WBP1L: variants seen among roughly 807,000 people sequenced by gnomAD.
The protein encoded by WBP1L is WW domain binding protein 1 like.
In WBP1L, 17 loss-of-function variants were observed where a neutral mutation model predicts 33.7. The observed-to-expected ratio is 0.50, with a 90% CI of 0.34 to 0.76. WBP1L has a LOEUF of 0.76. Among genes scored for constraint, WBP1L ranks in the 30% least tolerant of loss-of-function variants. The probability of loss-of-function intolerance (pLI) is 0.01; values close to 1 mark genes in which losing one functional copy is unlikely to be tolerated. For missense variants in WBP1L, 389 were observed against 469.4 expected (o/e 0.83, Z 1.58); for synonymous variants, 173 against 190.8 (o/e 0.91, Z 0.77).
intron 1 of WBP1L, chr10:102,776,512 A>G: frequency 1.9e-6 from 3 of 1,539,886 alleles, no homozygotes. Context: ...TATTTTAGCA[A>G]ATGCCTCTCA....
intron 1 of WBP1L, among the ~76,000 whole-genome samples, chr10:102,766,919 G>A (rs557882796): frequency 1.3e-5 from 2 of 152,054 alleles, no homozygotes; most frequent in East Asian, 3.8e-4. Flanking sequence ...TTCTTATTCC[G>A]ATCTTTGGTT....
At chr10:102,811,492 CAA>C (rs1428770486) in intron 3 of WBP1L, among the ~76,000 whole-genome samples, 2 of 152,168 alleles carry the variant, frequency 1.3e-5, no homozygotes, top group Non-Finnish European at 2.9e-5. Context: ...TAAACTTTCA[CAA>C]TTGTTTCTTT....
At chr10:102,786,583 G>A (rs1243882586) in intron 1 of WBP1L, among the ~76,000 whole-genome samples, 1 of 152,148 alleles carries the variant, frequency 6.6e-6, no homozygotes, top group Non-Finnish European at 1.5e-5. Flanking sequence ...TGCATTTGTT[G>A]TCTAAGCATG....
At chr10:102,781,407 G>A (rs1453785416) in intron 1 of WBP1L, among the ~76,000 whole-genome samples, 1 of 152,130 alleles carries the variant, frequency 6.6e-6, no homozygotes, top group Non-Finnish European at 1.5e-5. Context: ...TTGCTGTAAG[G>A]AAACTGAAAC....
chr10:102,803,723 CTCA>C (rs1843691083), intron 2 of WBP1L, among the ~76,000 whole-genome samples: 1 of 151,936 alleles, frequency 6.6e-6, no homozygotes, highest in Non-Finnish European at 1.5e-5. Context: ...ATTCTCCTGC[CTCA>C]GCCTCCCGAG....
chr10:102,757,690 C>T (rs1395759519), intron 1 of WBP1L, among the ~76,000 whole-genome samples: 1 of 149,754 alleles, frequency 6.7e-6, no homozygotes, highest in Non-Finnish European at 1.5e-5. Context: ...GATCATCCCA[C>T]CTTAGCCTCC....
chr10:102,784,475 G>A (rs1245176764), intron 1 of WBP1L, among the ~76,000 whole-genome samples: 1 of 145,818 alleles, frequency 6.9e-6, no homozygotes, highest in East Asian at 2.0e-4. Flanking sequence ...GCCCAGGCTG[G>A]AGTGCAGTGG....
intron 3 of WBP1L, among the ~76,000 whole-genome samples, chr10:102,812,368 G>T (rs1265265516): frequency 6.6e-6 from 1 of 152,136 alleles, no homozygotes; most frequent in Admixed American, 6.6e-5. Flanking sequence ...AGCTTTAGGG[G>T]CTCTCAGATT....
At chr10:102,797,764 G>A (rs1030401112) in intron 1 of WBP1L, among the ~76,000 whole-genome samples, 13 of 152,006 alleles carry the variant, frequency 8.6e-5, no homozygotes, top group African/African-American at 3.1e-4. Context: ...TGTTGGTCAG[G>A]CTGGTCTCGA....
At position 102,815,281 on chromosome 10, in the gene WBP1L, G is replaced by T. The variant is rs1343411609; in HGVS notation, c.*1950G>T. 1 of 152,628 alleles carries T rather than the reference G, an allele frequency of 6.6e-6. No homozygotes were observed. The highest frequency in any genetic ancestry group is 1.9e-4 in the East Asian group (1 of 5,200). 9.5% of individuals were successfully genotyped at this position (152,628 alleles called of 1,614,324 possible). On this transcript the variant is annotated 3_prime_UTR_variant, in exon 4 of 4. Transcript: ENST00000448841. Reference sequence around the variant, plus strand: ...GAGGTTTTACTCTACTCATCACTGCGATTTGCACATTGCTCCGTGGACACT... The same window carrying T: ...GAGGTTTTACTCTACTCATCACTGCTATTTGCACATTGCTCCGTGGACACT...
chr10:102,766,114 A>G (rs1193972217), intron 1 of WBP1L, among the ~76,000 whole-genome samples: 2 of 152,178 alleles, frequency 1.3e-5, no homozygotes, highest in Non-Finnish European at 2.9e-5. Context: ...AGCCTTGGCA[A>G]CATAGGAAGA....
At chr10:102,788,429 TA>T (rs1353816276) in intron 1 of WBP1L, among the ~76,000 whole-genome samples, 7 of 151,962 alleles carry the variant, frequency 4.6e-5, no homozygotes, top group Non-Finnish European at 7.4e-5. Flanking sequence ...TTTCTAATTG[TA>T]AAAATATAGG....
At chr10:102,744,478 C>T in intron 1 of WBP1L, 4 of 985,224 alleles carry the variant, frequency 4.1e-6, no homozygotes, top group Non-Finnish European at 4.8e-6. Flanking sequence ...GCAGGTGTCC[C>T]AGGCAGTAAT....
chr10:102,810,505 CCT>C (rs1469857142), intron 3 of WBP1L, among the ~76,000 whole-genome samples: 1 of 55,694 alleles, frequency 1.8e-5, no homozygotes, highest in South Asian at 6.1e-4. Context: ...TTCCTTCCTT[CCT>C]TCCTTCCTTC....
chr10:102,770,019 C>T (rs1235053798), intron 1 of WBP1L, among the ~76,000 whole-genome samples: 5 of 152,194 alleles, frequency 3.3e-5, no homozygotes, highest in African/African-American at 1.2e-4. Flanking sequence ...TGTCCAGCCC[C>T]AGGACATAGA....
At chr10:102,812,461 C>G (rs1041702048) in intron 3 of WBP1L, 134 bp from the exon 4 acceptor site, 1 of 1,092,210 alleles carries the variant, frequency 9.2e-7, no homozygotes, top group African/African-American at 1.6e-5. Context: ...CTGCTCACAA[C>G]CAAGAGCTGT....
chr10:102,798,213 G>C (rs982422995), intron 2 of WBP1L, 118 bp downstream of exon 2: 1 of 808,292 alleles, frequency 1.2e-6, no homozygotes, highest in Admixed American at 2.5e-5. Context: ...GTTGGTGAGT[G>C]GAATCTGTTT....
At position 102,744,569 on chromosome 10, in the gene WBP1L, T is replaced by G. The variant is rs929688122; in HGVS notation, c.90+426T>G. On this transcript the variant is annotated intron_variant, in intron 1 of 3. Coordinates refer to ENST00000448841, the MANE Select transcript of WBP1L (RefSeq NM_001083913.2). ...GGGAGGGGATCCTGAGGATATTTCT[T>G]TAAGGATGGACTGGGGAAAGTTCCG... 3 of 856,748 alleles carry G rather than the reference T, an allele frequency of 3.5e-6. No individual in the cohort carries two copies. The African/African-American group carries it at 5.5e-5, about 16-fold the overall frequency. 53.1% of individuals were successfully genotyped at this position (856,748 alleles called of 1,614,324 possible). A position where few individuals can be genotyped will look rare whatever the true frequency, so the allele number is the denominator to read the frequency against.
intron 1 of WBP1L, among the ~76,000 whole-genome samples, chr10:102,789,979 C>T (rs1843473983): frequency 6.6e-6 from 1 of 152,078 alleles, no homozygotes; most frequent in African/African-American, 2.4e-5. Context: ...ACCTCATGAT[C>T]TGCCCAACTT....
Sources: gnomAD v4.1 joint callset for allele counts (sites outside exome capture counted in the v4.1 genomes callset) on GRCh38, gnomAD v4.1.1 for gene constraint, MANE v1.5 for transcripts, NCBI Gene and HGNC (gene_info 2026-07-23, HGNC 2026-07-21) for gene names.